GTF3C4: variants seen among roughly 807,000 people sequenced by gnomAD.
The protein encoded by GTF3C4 is general transcription factor 3C polypeptide 4.
In GTF3C4, 28 loss-of-function variants were observed where a neutral mutation model predicts 67.5. The ratio of observed to expected loss-of-function variants is 0.41; its 90% CI spans 0.31 to 0.57. GTF3C4 has a LOEUF of 0.57. Among genes scored for constraint, GTF3C4 ranks in the 20% least tolerant of loss-of-function variants. The pLI, the probability that GTF3C4 is intolerant of heterozygous loss-of-function variation, is 0.21. For synonymous variants in GTF3C4, 409 were observed against 393.0 expected, an observed-to-expected ratio of 1.04 and a Z score of -0.48; for missense variants, 831 against 1,033.2, an observed-to-expected ratio of 0.80 and a Z score of 2.68.
chr9:132,673,205 A>T (rs148918379), intron 1 of GTF3C4, among the ~76,000 whole-genome samples: 1 of 152,206 alleles, frequency 6.6e-6, no homozygotes, highest in African/African-American at 2.4e-5. Flanking sequence ...AGAAAATATA[A>T]TGCAGTTATA....
At position 132,679,748 on chromosome 9, in the gene GTF3C4, G is replaced by T. The variant is rs752487633; in HGVS notation, c.2129G>T (p.Arg710Leu). 1.2e-6 allele frequency: 2 copies of T among 1,613,822 alleles called. No homozygotes were observed. Among genetic ancestry groups the T allele is most frequent in the South Asian group, 1.1e-5 (1 of 91,058 alleles). Residue 710 changes from arginine to leucine, a missense_variant, in exon 2 of 5, where the codon CGC (arginine) becomes CTC (leucine). Around this residue, in one of 4 missense-constraint regions of GTF3C4, gnomAD observed 129 missense variants for 213.8 expected, o/e 0.60. Transcript: ENST00000372146. The surrounding 1 kb of genome is among the most constrained non-coding windows in gnomAD (Gnocchi z 5.9). ...WITENTSIPT[R>L]GLCNFLMSDE... ...ACAGAAAACACTAGCATCCCCACCC[G>T]CGGACTCTGTAACTTTTTAATGTCT...
At chr9:132,687,451 G>T in intron 4 of GTF3C4, 124 bp downstream of exon 4, 1 of 361,010 alleles carries the variant, frequency 2.8e-6, no homozygotes. Flanking sequence ...GGGGGTGGGG[G>T]GTGGGGAGTA....
chr9:132,683,698 G>A lies in GTF3C4; in HGVS notation c.2315+5G>A. On this transcript the variant is annotated splice_donor_5th_base_variant and intron_variant, in intron 3 of 4. Transcript: ENST00000372146. ...CAATGGCCACATTTGGCTCCGGTAA[G>A]CCATTTTAAAAGTTTCTACTTCTGC... 1 of 1,604,184 alleles carries A rather than the reference G, an allele frequency of 6.2e-7. No individual in the cohort carries two copies. The highest frequency in any genetic ancestry group is 1.3e-5 in the African/African-American group (1 of 74,494).
At chr9:132,688,271 G>A (rs1432264535) in intron 4 of GTF3C4, among the ~76,000 whole-genome samples, 2 of 152,158 alleles carry the variant, frequency 1.3e-5, no homozygotes, top group African/African-American at 2.4e-5. Context: ...ACATTTTTGG[G>A]AACTTTTAAA....
Position 132,678,838 on chromosome 9 carries a change from T to G in GTF3C4, c.1219T>G (p.Ser407Ala). 6.2e-7 allele frequency: 1 copy of G among 1,614,220 alleles called. No individual in the cohort carries two copies. Among genetic ancestry groups the G allele is most frequent in the South Asian group, 1.1e-5 (1 of 91,084 alleles). ...TGTATTTTGGTGTCTTCTTCTGATCTCCAAAGCAGGGCTGAATGTTCACAA... is the reference window on the plus strand; with the variant it reads ...TGTATTTTGGTGTCTTCTTCTGATCGCCAAAGCAGGGCTGAATGTTCACAA... ...SYVFWCLLLI[S>A]KAGLNVHNSH... Residue 407 changes from serine to alanine, a missense_variant, in exon 2 of 5, where the codon TCC becomes GCC. Coordinates refer to ENST00000372146, the MANE Select transcript of GTF3C4 (RefSeq NM_012204.4). The surrounding 1 kb of genome is among the most constrained non-coding windows in gnomAD (Gnocchi z 6.5).
At position 132,679,573 on chromosome 9, in the gene GTF3C4, T is replaced by G. The variant is rs201972228; in HGVS notation, c.1954T>G (p.Ser652Ala). 2 of 1,614,004 alleles carry G rather than the reference T, an allele frequency of 1.2e-6. No individual in the cohort carries two copies. Among genetic ancestry groups the G allele is most frequent in the Admixed American group, 3.3e-5 (2 of 60,004 alleles). The change falls in exon 2 of 5, where the codon TCG (serine) becomes GCG (alanine). Residue 652 changes from serine to alanine, a missense_variant. This residue lies in a region of GTF3C4 where 75 missense variants were observed against 66.4 expected (regional missense o/e 1.13). Coordinates refer to ENST00000372146, the MANE Select transcript of GTF3C4 (RefSeq NM_012204.4). This position sits in a 1 kb window ranked among gnomAD's most constrained non-coding sequence, Gnocchi z 5.9. Reference protein sequence around the residue: ...EGDVEEPTDDSLPTTGDAGGR... With the variant: ...EGDVEEPTDDALPTTGDAGGR... The stretch of plus-strand genomic sequence containing the variant: ...AGATGTAGAGGAGCCCACTGATGAC[T>G]CGCTCCCCACGACTGGAGATGCTGG...
intron 3 of GTF3C4, 56 bp from the exon 4 acceptor site, chr9:132,687,183 C>G (rs1836043024): frequency 2.2e-6 from 2 of 916,192 alleles, no homozygotes; most frequent in Non-Finnish European, 3.7e-6. Context: ...ACATCAGTTT[C>G]TGAGTGTTAG....
chr9:132,685,068 G>T, intron 3 of GTF3C4, among the ~76,000 whole-genome samples: 1 of 147,364 alleles, frequency 6.8e-6, no homozygotes, highest in Non-Finnish European at 1.5e-5. Context: ...AGGCTGGAGT[G>T]CAGTGGCACA....
At chr9:132,686,419 C>T (rs1836028306) in intron 3 of GTF3C4, among the ~76,000 whole-genome samples, 1 of 77,492 alleles carries the variant, frequency 1.3e-5, no homozygotes, top group South Asian at 5.7e-4. Context: ...CCTGGAGTCC[C>T]TTCCCCTAAC....
Position 132,687,444 on chromosome 9 carries a change from G to A in GTF3C4, c.2404+117G>A. On this transcript the variant is annotated intron_variant, in intron 4 of 4. Transcript: ENST00000372146. Reference sequence around the variant, plus strand: ...CACTTCTTGGTATTGTGTTGTCGGGGGTGGGGGGTGGGGAGTAGGCCCCTG... The same window carrying A: ...CACTTCTTGGTATTGTGTTGTCGGGAGTGGGGGGTGGGGAGTAGGCCCCTG... 3 of 464,778 alleles carry A rather than the reference G, an allele frequency of 6.5e-6. 1 individual carries two copies. The highest frequency in any genetic ancestry group is 8.2e-6 in the Non-Finnish European group (2 of 243,080). 28.8% of individuals were successfully genotyped at this position (464,778 alleles called of 1,614,324 possible). A position where few individuals can be genotyped will look rare whatever the true frequency, so the allele number is the denominator to read the frequency against.
chr9:132,673,512 T>C (rs974278117), intron 1 of GTF3C4, among the ~76,000 whole-genome samples: 1 of 151,172 alleles, frequency 6.6e-6, no homozygotes, highest in African/African-American at 2.4e-5. Flanking sequence ...GACCCTGCAG[T>C]TCTACAAGAG....
chr9:132,688,995 A>G lies in GTF3C4; in HGVS notation c.*50A>G. 1 of 1,354,730 alleles carries G rather than the reference A, an allele frequency of 7.4e-7. No homozygotes were observed. Among genetic ancestry groups the G allele is most frequent in the Non-Finnish European group, 1.1e-6 (1 of 947,456 alleles). The allele number at this position is 1,354,730 out of a possible 1,614,324, so 83.9% of individuals were successfully genotyped here. On this transcript the variant is annotated 3_prime_UTR_variant, in exon 5 of 5. Coordinates refer to ENST00000372146, the MANE Select transcript of GTF3C4 (RefSeq NM_012204.4). The stretch of plus-strand genomic sequence containing the variant: ...GGGCATGATGAACTCTGCCATAGAA[A>G]ACTTCCTCCAGCCTGAAGAGAAGGA...
intron 2 of GTF3C4, among the ~76,000 whole-genome samples, chr9:132,680,583 C>T (rs1835925427): frequency 6.6e-6 from 1 of 152,216 alleles, no homozygotes; most frequent in South Asian, 2.1e-4. Flanking sequence ...CTCCTTTTTA[C>T]TTCAAAGACT....
intron 2 of GTF3C4, among the ~76,000 whole-genome samples, chr9:132,680,415 C>T (rs1460194624): frequency 6.6e-6 from 1 of 152,170 alleles, no homozygotes; most frequent in East Asian, 1.9e-4. Flanking sequence ...CTGAGGATTC[C>T]TACAGAAAAG....
intron 4 of GTF3C4, among the ~76,000 whole-genome samples, chr9:132,688,128 C>T (rs1836058803): frequency 6.6e-6 from 1 of 152,178 alleles, no homozygotes; most frequent in Admixed American, 6.5e-5. Flanking sequence ...AACAATCATA[C>T]ACAAAAGGAA....
intron 3 of GTF3C4, among the ~76,000 whole-genome samples, chr9:132,685,882 G>T (rs1836018664): frequency 1.3e-5 from 2 of 152,206 alleles, no homozygotes; most frequent in Non-Finnish European, 2.9e-5. Flanking sequence ...CTTTCTGTTA[G>T]TTAAGATTGG....
intron 1 of GTF3C4, among the ~76,000 whole-genome samples, chr9:132,671,978 A>G (rs1398124215): frequency 1.3e-5 from 2 of 152,184 alleles, no homozygotes; most frequent in Non-Finnish European, 2.9e-5. Flanking sequence ...GTCATTAGCT[A>G]TAGGTAGGGT....
rs1836083980 is a variant in GTF3C4, at chr9:132,689,646, T to A, written c.*701T>A. On this transcript the variant is annotated 3_prime_UTR_variant, in exon 5 of 5. Coordinates refer to ENST00000372146, the MANE Select transcript of GTF3C4 (RefSeq NM_012204.4). ...TTCTCTCCTGGGTCATCAGGTTTCC[T>A]GACCCAACTCCTTAATCCGTATAAA... 1 of 152,286 alleles carries A rather than the reference T, an allele frequency of 6.6e-6. No homozygotes were observed. Among genetic ancestry groups the A allele is most frequent in the Non-Finnish European group, 1.5e-5 (1 of 68,096 alleles). The allele number at this position is 152,286 out of a possible 1,614,324, so 9.4% of individuals were successfully genotyped here. A position where few individuals can be genotyped will look rare whatever the true frequency, so the allele number is the denominator to read the frequency against.
chr9:132,674,601 A>G (rs998500284), intron 1 of GTF3C4, among the ~76,000 whole-genome samples: 12 of 152,202 alleles, frequency 7.9e-5, no homozygotes, highest in Non-Finnish European at 1.3e-4. Flanking sequence ...AATTTAACCT[A>G]TTCTAAGGAG....
Sources: allele counts gnomAD v4.1 joint callset (sites outside exome capture counted in the v4.1 genomes callset), GRCh38; gene constraint gnomAD v4.1.1; regional missense constraint gnomAD v4.1.1; non-coding constraint Gnocchi (gnomAD v3.1); transcripts MANE v1.5; gene names NCBI Gene and HGNC (gene_info 2026-07-23, HGNC 2026-07-21).